Variants in FGD4 observed in about 807,000 individuals in gnomAD.
The protein encoded by FGD4 is FYVE, RhoGEF and PH domain containing 4.
Under a neutral mutation model 102.0 loss-of-function variants are expected in FGD4, and 42 were observed. The observed-to-expected ratio is 0.41, with a 90% CI of 0.32 to 0.53. The LOEUF (loss-of-function observed/expected upper bound fraction) is 0.53, where lower values mean the gene tolerates loss of function less well. Ranked by LOEUF, FGD4 falls within the 20% of genes least tolerant of loss-of-function variation. The pLI is 0.21. For missense variants in FGD4, 902 were observed against 1,078.2 expected, an observed-to-expected ratio of 0.84 and a Z score of 2.29; for synonymous variants, 380 against 375.7, an observed-to-expected ratio of 1.01 and a Z score of -0.13.
At chr12:32,612,566 G>T (rs1258198776) in intron 10 of FGD4, among the ~76,000 whole-genome samples, 1 of 152,148 alleles carries the variant, frequency 6.6e-6, no homozygotes, top group Non-Finnish European at 1.5e-5. Flanking sequence ...TACACACGTG[G>T]GATATGATAC....
intron 11 of FGD4, among the ~76,000 whole-genome samples, chr12:32,622,284 C>T (rs1949889875): frequency 6.6e-6 from 1 of 152,182 alleles, no homozygotes; most frequent in South Asian, 2.1e-4. Flanking sequence ...ACCCAAGACA[C>T]GTGTCTAACT....
intron 1 of FGD4, among the ~76,000 whole-genome samples, chr12:32,427,451 C>G (rs986792844): frequency 6.0e-4 from 92 of 152,134 alleles, no homozygotes; most frequent in Non-Finnish European, 3.4e-4. Flanking sequence ...GATTTCCATT[C>G]TTTTGCATTT....
chr12:32,531,527 T>G (rs1031972199), intron 1 of FGD4, among the ~76,000 whole-genome samples: 13 of 152,208 alleles, frequency 8.5e-5, no homozygotes, highest in African/African-American at 3.1e-4. Context: ...GTTTGTCTTT[T>G]CCAGAGTGTC....
chr12:32,524,524 T>TTAAA (rs1555194664), intron 1 of FGD4, among the ~76,000 whole-genome samples: 2 of 134,434 alleles, frequency 1.5e-5, no homozygotes, highest in African/African-American at 5.1e-5. Context: ...ATAATTCAAA[T>TTAAA]AAAAAAAAAA....
intron 14 of FGD4, among the ~76,000 whole-genome samples, chr12:32,629,396 G>C (rs763246307): frequency 3.3e-5 from 5 of 152,236 alleles, no homozygotes; most frequent in Non-Finnish European, 5.9e-5. Context: ...TGATGTACCA[G>C]TGCCAGGCAT....
intron 1 of FGD4, among the ~76,000 whole-genome samples, chr12:32,419,528 G>T (rs888482835): frequency 6.6e-6 from 1 of 151,554 alleles, no homozygotes; most frequent in African/African-American, 2.4e-5. Context: ...TGCTGGGGAT[G>T]GGGGAGGCAT....
At chr12:32,580,904 A>C (rs1565867493) in intron 3 of FGD4, among the ~76,000 whole-genome samples, 1 of 151,608 alleles carries the variant, frequency 6.6e-6, no homozygotes, top group East Asian at 1.9e-4. Flanking sequence ...AAAAAAAAAA[A>C]TCTGTACAAA....
intron 1 of FGD4, among the ~76,000 whole-genome samples, chr12:32,540,549 T>TTTTC (rs1229560214): frequency 5.3e-5 from 8 of 151,240 alleles, no homozygotes; most frequent in Admixed American, 4.6e-4. Context: ...ACGCCTTTTT[T>TTTTC]TTTCTTTCTT....
intron 1 of FGD4, among the ~76,000 whole-genome samples, chr12:32,485,528 C>T (rs967412168): frequency 6.6e-6 from 1 of 151,026 alleles, no homozygotes; most frequent in African/African-American, 2.4e-5. Flanking sequence ...GCAAGCTCCG[C>T]CTCCCAGGTT....
intron 1 of FGD4, among the ~76,000 whole-genome samples, chr12:32,530,692 TA>T (rs1248983448): frequency 1.3e-5 from 2 of 152,180 alleles, no homozygotes; most frequent in Admixed American, 6.5e-5. Context: ...ATGACAACCT[TA>T]AAATCACTAA....
At chr12:32,467,000 G>A (rs1943272712) in intron 1 of FGD4, among the ~76,000 whole-genome samples, 3 of 151,676 alleles carry the variant, frequency 2.0e-5, no homozygotes, top group Admixed American at 2.0e-4. Context: ...AGCATTTTTA[G>A]CTACATTTTT....
At chr12:32,451,943 C>T (rs186079990) in intron 1 of FGD4, among the ~76,000 whole-genome samples, 213 of 151,602 alleles carry the variant, frequency 1.4e-3, no homozygotes, top group Non-Finnish European at 2.3e-3. Flanking sequence ...GCTATGTTCC[C>T]GTGGAGATCC....
intron 4 of FGD4, among the ~76,000 whole-genome samples, chr12:32,591,765 C>T (rs1382801257): frequency 1.3e-5 from 2 of 152,226 alleles, no homozygotes; most frequent in Non-Finnish European, 2.9e-5. Flanking sequence ...AGGACTGACA[C>T]TGCAGTACAT....
chr12:32,530,768 A>G (rs1250074286), intron 1 of FGD4, among the ~76,000 whole-genome samples: 1 of 152,058 alleles, frequency 6.6e-6, no homozygotes, highest in Non-Finnish European at 1.5e-5. Context: ...CAAATGGATA[A>G]TGTATGGGGA....
At chr12:32,496,791 T>C (rs1246349473) in intron 1 of FGD4, among the ~76,000 whole-genome samples, 2 of 152,162 alleles carry the variant, frequency 1.3e-5, no homozygotes, top group African/African-American at 4.8e-5. Flanking sequence ...AAAAAAAATA[T>C]GGATAAGAAT....
chr12:32,640,458 G>A lies in FGD4; in HGVS notation c.2637G>A (p.Glu879=). ...LKVILLAVTG[E]TPGGPNEHPA... Reference sequence around the variant, plus strand: ...TCATCCTTTTAGCTGTCACAGGTGAGACACCAGGTGGTCCAAATGAGCATC... The same window carrying A: ...TCATCCTTTTAGCTGTCACAGGTGAAACACCAGGTGGTCCAAATGAGCATC... Residue 879 remains glutamate, a synonymous_variant, in exon 17 of 17, where the codon GAG becomes GAA. Transcript: ENST00000534526. The A allele has an allele frequency of 6.2e-7, 1 of 1,614,156 alleles. No individual in the cohort carries two copies. The highest frequency in any genetic ancestry group is 8.5e-7 in the Non-Finnish European group (1 of 1,180,036).
intron 12 of FGD4, 85 bp from the exon 13 acceptor site, chr12:32,624,891 A>C (rs1459275309): frequency 1.7e-6 from 2 of 1,154,152 alleles, no homozygotes; most frequent in African/African-American, 1.5e-5. Context: ...AGTGATTCCT[A>C]TCATAGATAT....
At chr12:32,581,357 G>A (rs1416193142) in intron 3 of FGD4, among the ~76,000 whole-genome samples, 3 of 152,190 alleles carry the variant, frequency 2.0e-5, no homozygotes, top group Non-Finnish European at 4.4e-5. Flanking sequence ...AGCCCTCAGA[G>A]TTTGTGACTG....
At chr12:32,598,429 C>G in intron 4 of FGD4, 68 bp from the exon 5 acceptor site, 1 of 1,075,436 alleles carries the variant, frequency 9.3e-7, no homozygotes, top group Non-Finnish European at 1.4e-6. Context: ...TTTGAAGAAG[C>G]GTTTTTTACT....
Sources: allele counts gnomAD v4.1 joint callset (sites outside exome capture counted in the v4.1 genomes callset), GRCh38; gene constraint gnomAD v4.1.1; transcripts MANE v1.5; gene names NCBI Gene and HGNC (gene_info 2026-07-23, HGNC 2026-07-21).